The following SEMA3A variants were observed in gnomAD, a reference collection of about 807,000 sequenced individuals.
The protein encoded by SEMA3A is semaphorin-3A.
Under a neutral mutation model 97.9 loss-of-function variants are expected in SEMA3A, and 29 were observed. The observed-to-expected ratio is 0.30, with a 90% CI of 0.22 to 0.40. SEMA3A has a LOEUF of 0.40. Among genes scored for constraint, SEMA3A ranks in the 10% least tolerant of loss-of-function variants. The pLI is 1.00. For synonymous variants in SEMA3A, 321 were observed against 323.7 expected (o/e 0.99, Z 0.09); for missense variants, 763 against 951.3 (o/e 0.80, Z 2.60).
intron 4 of SEMA3A, among the ~76,000 whole-genome samples, chr7:84,062,077 T>TC (rs949805896): frequency 5.3e-5 from 8 of 152,178 alleles, no homozygotes; most frequent in African/African-American, 1.9e-4. Context: ...GAGGGTTAAA[T>TC]AATTTATTTA....
Position 84,110,510 on chromosome 7 carries a change from T to A in SEMA3A, c.413A>T (p.His138Leu), listed in dbSNP as rs1795246165. 6.2e-7 allele frequency: 1 copy of A among 1,613,794 alleles called. No individual in the cohort carries two copies. Among genetic ancestry groups the A allele is most frequent in the African/African-American group, 1.3e-5 (1 of 74,894 alleles). The stretch of plus-strand genomic sequence containing the variant: ...AATTTCAATGTAGGTGCAAATTGGA[T>A]GAAAAGCCCCCGTTCCACAGGCGTA... The part of the protein sequence containing the change: ...HLYACGTGAF[H>L]PICTYIEIGH... Residue 138 changes from histidine (H) to leucine (L), a missense_variant, in exon 4 of 17, where the codon CAT becomes CTT. Physicochemically the swap from His to Leu is moderately conservative, Grantham distance 99 (BLOSUM62 -3). This residue lies in a region of SEMA3A where 678 missense variants were observed against 881.3 expected (regional missense o/e 0.77). Transcript: ENST00000265362.
chr7:84,060,486 G>T lies in SEMA3A; in HGVS notation c.526C>A (p.Leu176Met). ...RGKSPYDPKL[L>M]TASLLIDGEL... ...GCACCTATTAAAAGGGATGCTGTCAGCAGCTTAGGGTCATATGGACTCTTC... is the reference window on the plus strand; with the variant it reads ...GCACCTATTAAAAGGGATGCTGTCATCAGCTTAGGGTCATATGGACTCTTC... The change falls in exon 5 of 17, where the codon CTG (leucine) becomes ATG (methionine). Residue 176 changes from leucine to methionine, a missense_variant. Around this residue, in one of 2 missense-constraint regions of SEMA3A, gnomAD observed 678 missense variants for 881.3 expected, o/e 0.77. Transcript: ENST00000265362. 6 of 1,586,814 alleles carry T rather than the reference G, an allele frequency of 3.8e-6. No homozygotes were observed. The highest frequency in any genetic ancestry group is 5.1e-6 in the Non-Finnish European group (6 of 1,170,336).
At position 84,310,965 on chromosome 7, in the gene SEMA3A, G is replaced by T. The variant is rs991224240; in HGVS notation, c.-168-3673C>A. Among the ~76,000 whole-genome samples, 20 of 149,704 alleles carry T rather than the reference G, an allele frequency of 1.3e-4. 1 individual carries two copies. Among genetic ancestry groups the T allele is most frequent in the Admixed American group, 4.7e-4 (7 of 14,902 alleles). On this transcript the variant is annotated intron_variant, in intron 2 of 3. Transcript: ENST00000424555. ...TAAGGTTTAATTTCATTTACATGCA[G>T]ATTTCCAAGTGATTTTTATTAGAAT...
intron 15 of SEMA3A, among the ~76,000 whole-genome samples, chr7:83,971,693 G>C (rs1788920277): frequency 6.6e-6 from 1 of 152,130 alleles, no homozygotes; most frequent in Admixed American, 6.6e-5. Flanking sequence ...ACATGCATGT[G>C]TGCTTAACCC....
chr7:84,049,653 T>A (rs1004701015), intron 5 of SEMA3A, among the ~76,000 whole-genome samples: 1 of 152,154 alleles, frequency 6.6e-6, no homozygotes, highest in African/African-American at 2.4e-5. Flanking sequence ...AAACTTCTTT[T>A]GTGGTTTCTA....
At chr7:84,183,906 C>A (rs1374066572) in intron 1 of SEMA3A, among the ~76,000 whole-genome samples, 3 of 152,066 alleles carry the variant, frequency 2.0e-5, no homozygotes, top group Non-Finnish European at 4.4e-5. Context: ...GTATTATAGA[C>A]TGAGATTTGT....
intron 13 of SEMA3A, among the ~76,000 whole-genome samples, chr7:83,984,477 G>A (rs1459706328): frequency 1.3e-5 from 2 of 152,036 alleles, no homozygotes; most frequent in Non-Finnish European, 2.9e-5. Flanking sequence ...AAGGGATAAA[G>A]CATGGTCAGA....
intron 4 of SEMA3A, among the ~76,000 whole-genome samples, chr7:84,062,563 C>A (rs1288986572): frequency 6.6e-6 from 1 of 152,188 alleles, no homozygotes; most frequent in East Asian, 1.9e-4. Flanking sequence ...TGGGTGCGCG[C>A]ACCACGCGCG....
chr7:84,429,450 A>C (rs1804910387), intron 1 of SEMA3A, among the ~76,000 whole-genome samples: 1 of 146,494 alleles, frequency 6.8e-6, no homozygotes, highest in Non-Finnish European at 1.5e-5. Flanking sequence ...AACACAAAAA[A>C]ACTATGCAAT....
intron 14 of SEMA3A, 89 bp downstream of exon 14, chr7:83,981,232 G>T: frequency 7.1e-7 from 1 of 1,405,798 alleles, no homozygotes; most frequent in Non-Finnish European, 9.8e-7. Context: ...AGAAAAAGTT[G>T]ATGCACTTAT....
intron 1 of SEMA3A, among the ~76,000 whole-genome samples, chr7:84,434,456 C>A: frequency 6.6e-6 from 1 of 152,124 alleles, no homozygotes; most frequent in East Asian, 1.9e-4. Context: ...GGCACCAATT[C>A]TACTGAAATG....
chr7:84,351,353 C>T (rs934992722), intron 2 of SEMA3A, among the ~76,000 whole-genome samples: 4 of 152,054 alleles, frequency 2.6e-5, no homozygotes, highest in Non-Finnish European at 5.9e-5. Flanking sequence ...AACAATTTGT[C>T]TTTACCAAAT....
intron 6 of SEMA3A, among the ~76,000 whole-genome samples, chr7:84,038,117 T>A (rs958117955): frequency 1.3e-5 from 2 of 152,100 alleles, no homozygotes; most frequent in African/African-American, 4.8e-5. Context: ...CTTAGAAAAA[T>A]GCTTTTTCTT....
intron 3 of SEMA3A, among the ~76,000 whole-genome samples, chr7:84,305,202 GA>G (rs1332374869): frequency 6.8e-6 from 1 of 147,406 alleles, no homozygotes; most frequent in Non-Finnish European, 1.5e-5. Context: ...AAACTCACTT[GA>G]TATGTTAACA....
intron 1 of SEMA3A, among the ~76,000 whole-genome samples, chr7:84,382,266 G>A (rs1242860956): frequency 2.0e-5 from 3 of 151,350 alleles, no homozygotes; most frequent in Non-Finnish European, 4.4e-5. Context: ...TGCCGCCACC[G>A]CCAACTAATT....
chr7:84,440,352 G>A (rs1805241581), intron 1 of SEMA3A, among the ~76,000 whole-genome samples: 1 of 152,116 alleles, frequency 6.6e-6, no homozygotes, highest in Non-Finnish European at 1.5e-5. Context: ...ACATGTTCCT[G>A]GTGCAGCTTG....
chr7:84,230,948 A>G (rs915325435), intron 3 of SEMA3A, among the ~76,000 whole-genome samples: 1 of 151,844 alleles, frequency 6.6e-6, no homozygotes, highest in Non-Finnish European at 1.5e-5. Flanking sequence ...AACAGCATTT[A>G]CAGTTTACCC....
chr7:84,175,434 T>G (rs150796259), intron 1 of SEMA3A, among the ~76,000 whole-genome samples: 1 of 152,352 alleles, frequency 6.6e-6, no homozygotes, highest in Non-Finnish European at 1.5e-5. Flanking sequence ...GTATGAACAT[T>G]AGGAAAGACT....
At chr7:84,128,427 A>C (rs1795865816) in intron 3 of SEMA3A, among the ~76,000 whole-genome samples, 1 of 152,192 alleles carries the variant, frequency 6.6e-6, no homozygotes, top group East Asian at 1.9e-4. Flanking sequence ...AAGGGGAATT[A>C]ACATGAAAAT....
Sources: allele counts gnomAD v4.1 joint callset (sites outside exome capture counted in the v4.1 genomes callset), GRCh38; gene constraint gnomAD v4.1.1; regional missense constraint gnomAD v4.1.1; transcripts MANE v1.5; gene names NCBI Gene and HGNC (gene_info 2026-07-23, HGNC 2026-07-21).